The following KHDRBS2 variants were observed in gnomAD, a reference collection of about 807,000 sequenced individuals.
KHDRBS2 encodes KH domain-containing, RNA-binding, signal transduction-associated protein 2.
KHDRBS2 carries 26 observed loss-of-function variants against 44.3 expected under a neutral mutation model. The observed-to-expected ratio is 0.59, with a 90% CI of 0.43 to 0.81. The LOEUF (loss-of-function observed/expected upper bound fraction) is 0.81, where lower values mean the gene tolerates loss of function less well. Among genes scored for constraint, KHDRBS2 ranks in the 40% least tolerant of loss-of-function variants. KHDRBS2 has a pLI of 0.00. For missense variants in KHDRBS2, 476 were observed against 433.1 expected (o/e 1.10, Z -0.88); for synonymous variants, 194 against 151.1 (o/e 1.28, Z -2.08).
chr6:61,551,220 T>A, the KHDRBS2 span, among the ~76,000 whole-genome samples: 9 of 152,226 alleles, frequency 5.9e-5, no homozygotes, highest in Non-Finnish European at 1.3e-4. Context: ...GTTGATTGTT[T>A]TTTGCTTGTG....
At chr6:61,786,951 A>T (rs1783913079) in intron 6 of KHDRBS2, among the ~76,000 whole-genome samples, 1 of 151,070 alleles carries the variant, frequency 6.6e-6, no homozygotes, top group Non-Finnish European at 1.5e-5. Flanking sequence ...AAAATGTTTC[A>T]TTTCCCATAA....
intron 7 of KHDRBS2, among the ~76,000 whole-genome samples, chr6:61,725,552 C>CTAT (rs1773410646): frequency 6.6e-6 from 1 of 151,122 alleles, no homozygotes; most frequent in African/African-American, 2.4e-5. Flanking sequence ...GTTATCTAGC[C>CTAT]TAATAAAGAA....
chr6:62,238,687 T>TACACACAC (rs5876788), intron 1 of KHDRBS2, among the ~76,000 whole-genome samples: 3 of 141,928 alleles, frequency 2.1e-5, no homozygotes, highest in African/African-American at 5.4e-5. Context: ...AAGTTTTATA[T>TACACACAC]ACACACACAC....
chr6:61,950,972 C>G (rs1258527660), intron 4 of KHDRBS2, among the ~76,000 whole-genome samples: 1 of 151,942 alleles, frequency 6.6e-6, no homozygotes, highest in Non-Finnish European at 1.5e-5. Context: ...ATGCTGAGAG[C>G]TAAGCTGTAT....
chr6:62,120,362 T>C lies in KHDRBS2; in HGVS notation c.219+56823A>G, dbSNP rs544932597. ...TACCTTTCACCAATACTTCGTGAAA[T>C]AGATTTGTGAAGGGAGCATCTGCAT... On this transcript the variant is annotated intron_variant, in intron 2 of 8. Transcript: ENST00000281156. Among the ~76,000 whole-genome samples the C allele has an allele frequency of 2.1e-3, 325 of 152,242 alleles. 1 individual carries two copies. The highest frequency in any genetic ancestry group is 7.3e-3 in the African/African-American group (305 of 41,540).
In KHDRBS2 at chr6:62,126,172, C is replaced by T. The variant is rs56879632; in HGVS notation, c.219+51013G>A. On this transcript the variant is annotated intron_variant, in intron 2 of 8. Coordinates refer to ENST00000281156, the MANE Select transcript of KHDRBS2 (RefSeq NM_152688.4). Reference sequence around the variant, plus strand: ...TTTACCACAAGCTGACTGAAGAGGCCGTGGGCCTTGAGTGAACATTAGCGT... The same window carrying T: ...TTTACCACAAGCTGACTGAAGAGGCTGTGGGCCTTGAGTGAACATTAGCGT... Among the ~76,000 whole-genome samples, 87 of 152,220 alleles carry T rather than the reference C, an allele frequency of 5.7e-4. No homozygotes were observed. The East Asian group carries it at 0.01, about 18-fold the overall frequency.
chr6:62,224,748 C>A (rs766195832), intron 1 of KHDRBS2, among the ~76,000 whole-genome samples: 10 of 152,080 alleles, frequency 6.6e-5, no homozygotes, highest in Non-Finnish European at 1.5e-4. Context: ...AAGTTTCCAC[C>A]ATTACTAACT....
Position 61,756,436 on chromosome 6 carries a change from G to T in KHDRBS2, c.811-23672C>A, listed in dbSNP as rs367921342. On this transcript the variant is annotated intron_variant, in intron 6 of 8. Transcript: ENST00000281156. Reference sequence around the variant, plus strand: ...CACTACACTTGGGTAAGTTTTGTGTGTTTAGTAGAGAGGGGGTTTCGCCAT... The same window carrying T: ...CACTACACTTGGGTAAGTTTTGTGTTTTTAGTAGAGAGGGGGTTTCGCCAT... Among the ~76,000 whole-genome samples the T allele has an allele frequency of 1.4e-4, 21 of 152,000 alleles. No homozygotes were observed. In the East Asian group the frequency reaches 3.9e-3, roughly 28 times the overall value.
intron 1 of KHDRBS2, among the ~76,000 whole-genome samples, chr6:62,204,427 G>T (rs1184624898): frequency 6.6e-6 from 1 of 152,092 alleles, no homozygotes; most frequent in African/African-American, 2.4e-5. Context: ...AAACTGGTTG[G>T]GACCAGAAGA....
At chr6:61,813,002 A>G (rs1416507379) in intron 6 of KHDRBS2, among the ~76,000 whole-genome samples, 1 of 152,094 alleles carries the variant, frequency 6.6e-6, no homozygotes, top group Non-Finnish European at 1.5e-5. Flanking sequence ...AATCTAACAT[A>G]GTTTGCAACA....
intron 2 of KHDRBS2, among the ~76,000 whole-genome samples, chr6:62,071,609 A>T (rs1795110267): frequency 1.3e-5 from 2 of 152,148 alleles, no homozygotes; most frequent in South Asian, 4.1e-4. Context: ...TCCTTTCCCC[A>T]TTGCTTGCTT....
the KHDRBS2 span, among the ~76,000 whole-genome samples, chr6:61,587,782 G>A: frequency 4.2e-4 from 64 of 152,162 alleles, no homozygotes; most frequent in South Asian, 9.9e-3. Flanking sequence ...GTCTTTCTCC[G>A]ATTTCATCTT....
intron 3 of KHDRBS2, among the ~76,000 whole-genome samples, chr6:62,044,646 C>T (rs1361268131): frequency 6.6e-6 from 1 of 151,938 alleles, no homozygotes; most frequent in Non-Finnish European, 1.5e-5. Flanking sequence ...GCAAAGTCAC[C>T]TATCTATGAA....
chr6:61,824,173 T>A (rs1790463692), intron 6 of KHDRBS2, among the ~76,000 whole-genome samples: 3 of 152,136 alleles, frequency 2.0e-5, no homozygotes, highest in African/African-American at 7.2e-5. Context: ...TCTTGTCTAG[T>A]CAAATGATAT....
chr6:62,187,064 T>C (rs1299647244), intron 1 of KHDRBS2, among the ~76,000 whole-genome samples: 1 of 152,106 alleles, frequency 6.6e-6, no homozygotes, highest in East Asian at 1.9e-4. Context: ...ATATTCCACT[T>C]TGTGTGTCAG....
chr6:62,162,898 G>A (rs1219871724), intron 2 of KHDRBS2, among the ~76,000 whole-genome samples: 1 of 152,046 alleles, frequency 6.6e-6, no homozygotes, highest in Non-Finnish European at 1.5e-5. Flanking sequence ...CTGAGACAGT[G>A]TAGATGACAG....
At chr6:61,894,102 G>C (rs376723889) in intron 6 of KHDRBS2, among the ~76,000 whole-genome samples, 1 of 151,930 alleles carries the variant, frequency 6.6e-6, no homozygotes, top group Admixed American at 6.6e-5. Flanking sequence ...GGAAGGGAGG[G>C]GGATGCTTGG....
At chr6:61,597,077 G>T in the KHDRBS2 span, among the ~76,000 whole-genome samples, 1 of 152,184 alleles carries the variant, frequency 6.6e-6, no homozygotes, top group Non-Finnish European at 1.5e-5. Context: ...TAAAGGCCTA[G>T]TTAAGGCATG....
At chr6:62,130,922 T>C (rs1224476295) in intron 2 of KHDRBS2, among the ~76,000 whole-genome samples, 1 of 152,066 alleles carries the variant, frequency 6.6e-6, no homozygotes, top group Non-Finnish European at 1.5e-5. Context: ...ATCATTTTCA[T>C]ACCATGGTAA....
Sources: gnomAD v4.1 joint callset for allele counts (sites outside exome capture counted in the v4.1 genomes callset) on GRCh38, gnomAD v4.1.1 for gene constraint, MANE v1.5 for transcripts, NCBI Gene and HGNC (gene_info 2026-07-23, HGNC 2026-07-21) for gene names.